Variants in GNB5 observed in about 807,000 individuals in gnomAD.
GNB5 encodes the protein guanine nucleotide-binding protein subunit beta-5.
GNB5 carries 37 observed loss-of-function variants against 55.3 expected under a neutral mutation model. That is an observed-to-expected ratio of 0.67 (90% CI 0.51 to 0.88). GNB5 has a LOEUF of 0.88. Ranked by LOEUF, GNB5 falls within the 40% of genes least tolerant of loss-of-function variation. The probability of loss-of-function intolerance (pLI) is 0.00; values close to 1 mark genes in which losing one functional copy is unlikely to be tolerated. For missense variants in GNB5, 476 were observed against 515.3 expected (o/e 0.92, Z 0.74); for synonymous variants, 219 against 198.5 (o/e 1.10, Z -0.87).
rs1016957107 is a variant in GNB5, at chr15:52,115,680, C to T, written c.*7077G>A. On this transcript the variant is annotated 3_prime_UTR_variant, in exon 13 of 13. Coordinates refer to ENST00000261837, the MANE Select transcript of GNB5 (RefSeq NM_016194.4). ...AGCTAGTGACTGCTTATTATTTTTT[C>T]CACGTTTTAAGTAACAGCTTTATTG... 2.6e-5 allele frequency: 4 copies of T among 152,132 alleles called. No individual in the cohort carries two copies. The highest frequency in any genetic ancestry group is 9.7e-5 in the African/African-American group (4 of 41,424). 9.4% of individuals were successfully genotyped at this position (152,132 alleles called of 1,614,324 possible). A position where few individuals can be genotyped will look rare whatever the true frequency, so the allele number is the denominator to read the frequency against.
chr15:52,135,803 A>C, intron 7 of GNB5, 47 bp from the exon 8 acceptor site: 2 of 1,594,818 alleles, frequency 1.3e-6, no homozygotes, highest in Non-Finnish European at 1.7e-6. Context: ...GTTATTGCTT[A>C]TGCCGGGGGC....
At chr15:52,172,593 G>A (rs149760119) in intron 3 of GNB5, among the ~76,000 whole-genome samples, 2,107 of 152,006 alleles carry the variant, frequency 0.014, 14 homozygotes, top group Middle Eastern at 0.024. Context: ...CAGCCTGGGC[G>A]ACATGGAGAA....
intron 5 of GNB5, among the ~76,000 whole-genome samples, chr15:52,148,463 T>C (rs1166889675): frequency 1.3e-5 from 2 of 152,146 alleles, no homozygotes; most frequent in African/African-American, 2.4e-5. Flanking sequence ...GTGGCACACA[T>C]GGCTGGCCTG....
At chr15:52,126,364 G>A (rs1218755124) in intron 10 of GNB5, among the ~76,000 whole-genome samples, 1 of 151,970 alleles carries the variant, frequency 6.6e-6, no homozygotes, top group Non-Finnish European at 1.5e-5. Flanking sequence ...TAGAAAATTT[G>A]GAAATATTCA....
intron 4 of GNB5, among the ~76,000 whole-genome samples, chr15:52,151,678 G>T (rs2141212653): frequency 6.6e-6 from 1 of 152,332 alleles, no homozygotes; most frequent in East Asian, 1.9e-4. Flanking sequence ...CAGTATGTGA[G>T]TGACAGAAAA....
At chr15:52,144,832 T>C (rs2033935805) in intron 6 of GNB5, among the ~76,000 whole-genome samples, 2 of 152,106 alleles carry the variant, frequency 1.3e-5, no homozygotes, top group Admixed American at 6.6e-5. Context: ...TGTATTACCA[T>C]ACACCGTGGC....
At chr15:52,161,489 TG>T (rs2034331553) in intron 3 of GNB5, among the ~76,000 whole-genome samples, 1 of 152,138 alleles carries the variant, frequency 6.6e-6, no homozygotes, top group Non-Finnish European at 1.5e-5. Context: ...TTAGTAGAGA[TG>T]GGGTTCCACC....
chr15:52,179,897 G>T lies in GNB5; in HGVS notation c.127-18C>A. ...GTTGCCATCTTCGCGCGGGGACGCA[G>T]CGGAGAGGGAAGCGGAGAGCGGGAA... On this transcript the variant is annotated intron_variant, in intron 2 of 12. Coordinates refer to ENST00000261837, the MANE Select transcript of GNB5 (RefSeq NM_016194.4). The T allele has an allele frequency of 6.6e-7, 1 of 1,513,810 alleles. No individual in the cohort carries two copies. 93.8% of individuals were successfully genotyped at this position (1,513,810 alleles called of 1,614,324 possible).
chr15:52,164,829 T>C (rs894161313), intron 3 of GNB5, among the ~76,000 whole-genome samples: 2 of 151,946 alleles, frequency 1.3e-5, no homozygotes, highest in African/African-American at 2.4e-5. Flanking sequence ...AGCATCTCTA[T>C]AGCAAAGGCA....
chr15:52,159,406 C>T (rs2034284713), intron 3 of GNB5, among the ~76,000 whole-genome samples: 2 of 152,190 alleles, frequency 1.3e-5, no homozygotes, highest in Admixed American at 1.3e-4. Flanking sequence ...CACCACGCTT[C>T]TTTGTGGTCC....
At chr15:52,187,224 T>G (rs2034857981) in intron 1 of GNB5, among the ~76,000 whole-genome samples, 1 of 152,108 alleles carries the variant, frequency 6.6e-6, no homozygotes, top group Admixed American at 6.5e-5. Flanking sequence ...TCCCCAGCCC[T>G]GTAAAGGCAG....
Position 52,117,983 on chromosome 15 carries a change from T to C in GNB5, c.*4774A>G. ...AATGGCCTGGGCCTCAGCCCCAGTC[T>C]TCTACCCCACCCACTGTGCCTTCCC... On this transcript the variant is annotated 3_prime_UTR_variant, in exon 13 of 13. Transcript: ENST00000261837. 1 of 152,758 alleles carries C rather than the reference T, an allele frequency of 6.5e-6. No individual in the cohort carries two copies. The highest frequency in any genetic ancestry group is 1.5e-5 in the Non-Finnish European group (1 of 68,360). The allele number at this position is 152,758 out of a possible 1,614,324, so 9.5% of individuals were successfully genotyped here.
At chr15:52,142,867 G>A (rs191071902) in intron 6 of GNB5, among the ~76,000 whole-genome samples, 2 of 150,476 alleles carry the variant, frequency 1.3e-5, no homozygotes, top group East Asian at 1.9e-4. Context: ...TACAATGTGC[G>A]GAGGAGGCTG....
chr15:52,161,370 T>C (rs970468573), intron 3 of GNB5, among the ~76,000 whole-genome samples: 12 of 152,204 alleles, frequency 7.9e-5, no homozygotes, highest in Admixed American at 7.2e-4. Flanking sequence ...TGATCTTGGC[T>C]CACTGCAACC....
In GNB5 at chr15:52,121,267, G is replaced by A. The variant is rs1362862643; in HGVS notation, c.*1490C>T. 1 of 152,442 alleles carries A rather than the reference G, an allele frequency of 6.6e-6. No homozygotes were observed. The highest frequency in any genetic ancestry group is 6.5e-5 in the Admixed American group (1 of 15,308). The allele number at this position is 152,442 out of a possible 1,614,324, so 9.4% of individuals were successfully genotyped here. ...CAGCCTTCAGGTGCAGCCAGAACCT[G>A]CCGGCAGACCCCAGGCCACCGACGA... On this transcript the variant is annotated 3_prime_UTR_variant, in exon 13 of 13. Transcript: ENST00000261837.
At chr15:52,147,141 T>G in intron 6 of GNB5, 1 of 227,974 alleles carries the variant, frequency 4.4e-6, no homozygotes, top group Non-Finnish European at 8.7e-6. Flanking sequence ...ATGAAAATAA[T>G]TATGAAAGAG....
At chr15:52,133,553 C>A (rs2033631907) in intron 8 of GNB5, 84 bp from the exon 9 acceptor site, 1 of 838,630 alleles carries the variant, frequency 1.2e-6, no homozygotes, top group Admixed American at 1.9e-5. Context: ...ATAACACAGA[C>A]CATTTATTTC....
At chr15:52,154,204 G>C in intron 3 of GNB5, 128 bp from the exon 4 acceptor site, 1 of 744,538 alleles carries the variant, frequency 1.3e-6, no homozygotes, top group Non-Finnish European at 2.1e-6. Context: ...ACAAGCCACA[G>C]CTTGATTCTC....
intron 6 of GNB5, among the ~76,000 whole-genome samples, chr15:52,144,721 T>A (rs1228852843): frequency 6.6e-6 from 1 of 152,122 alleles, no homozygotes; most frequent in Non-Finnish European, 1.5e-5. Flanking sequence ...ACTGAAGACT[T>A]TATAAAGGTA....
Sources: allele counts gnomAD v4.1 joint callset (sites outside exome capture counted in the v4.1 genomes callset), GRCh38; gene constraint gnomAD v4.1.1; transcripts MANE v1.5; gene names NCBI Gene and HGNC (gene_info 2026-07-23, HGNC 2026-07-21).